GRIK1: variants seen among roughly 807,000 people sequenced by gnomAD.
GRIK1 encodes the protein glutamate receptor ionotropic, kainate 1.
GRIK1 carries 69 observed loss-of-function variants against 105.7 expected under a neutral mutation model. The observed-to-expected ratio is 0.65, with a 90% CI of 0.54 to 0.80. GRIK1 has a LOEUF of 0.80. GRIK1 is among the 30% of genes least tolerant of loss of function. GRIK1 has a pLI of 0.00. For synonymous variants in GRIK1, 438 were observed against 431.3 expected, an observed-to-expected ratio of 1.02 and a Z score of -0.19; for missense variants, 1,109 against 1,167.3, an observed-to-expected ratio of 0.95 and a Z score of 0.73.
At chr21:29,877,276 GA>G (rs981131878) in intron 1 of GRIK1, among the ~76,000 whole-genome samples, 3 of 152,084 alleles carry the variant, frequency 2.0e-5, no homozygotes, top group Non-Finnish European at 4.4e-5. Context: ...TCTTCTTTGT[GA>G]AGGACTTTTA....
chr21:29,540,970 A>ATT (rs3054285), intron 16 of GRIK1, among the ~76,000 whole-genome samples: 6,411 of 134,530 alleles, frequency 0.048, 201 homozygotes, highest in Admixed American at 0.11. Flanking sequence ...CTTGCACTTG[A>ATT]TTTTTTTTTT....
chr21:29,560,290 T>TCTTTCTTTCTTTC lies in GRIK1; in HGVS notation c.2356+1321_2356+1333dup, dbSNP rs1568812234. ...CTTATATGATACAGTTTTCTTTCTT[T>TCTTTCTTTCTTTC]CTTTCTTTCTTTCTTTCTTTCTTTC... On this transcript the variant is annotated intron_variant, in intron 15 of 17. Coordinates refer to ENST00000327783, the MANE Select transcript of GRIK1 (RefSeq NM_001330994.2). 2.2e-3 allele frequency among the ~76,000 whole-genome samples: 173 copies of TCTTTCTTTCTTTC among 77,186 alleles called. 3 individuals carry two copies. The highest frequency in any genetic ancestry group is 9.4e-3 in the African/African-American group (158 of 16,812). The allele number at this position is 77,186 out of a possible 152,430, so 50.6% of individuals were successfully genotyped here.
intron 4 of GRIK1, among the ~76,000 whole-genome samples, chr21:29,668,890 G>A (rs1374144884): frequency 6.6e-6 from 1 of 152,188 alleles, no homozygotes; most frequent in Admixed American, 6.5e-5. Context: ...AGGAGCAATG[G>A]TTTCCACATT....
chr21:29,684,768 C>T (rs2063456340), intron 3 of GRIK1, among the ~76,000 whole-genome samples: 1 of 152,140 alleles, frequency 6.6e-6, no homozygotes, highest in Non-Finnish European at 1.5e-5. Flanking sequence ...CCTTGGCCTT[C>T]CAAAGTGCTG....
At chr21:29,903,901 C>T (rs8126480) in intron 1 of GRIK1, among the ~76,000 whole-genome samples, 33,635 of 152,050 alleles carry the variant, frequency 0.22, 4,243 homozygotes, top group African/African-American at 0.34. Flanking sequence ...TAAACTGGAT[C>T]AAGAAAATGT....
chr21:29,848,797 G>T (rs1378613368), intron 1 of GRIK1, among the ~76,000 whole-genome samples: 2 of 56,658 alleles, frequency 3.5e-5, no homozygotes, highest in Non-Finnish European at 6.8e-5. Context: ...TTTTTTCCAC[G>T]ATCTTCACCT....
intron 1 of GRIK1, among the ~76,000 whole-genome samples, chr21:29,697,238 C>G (rs2063721688): frequency 6.6e-6 from 1 of 152,132 alleles, no homozygotes; most frequent in Non-Finnish European, 1.5e-5. Context: ...TCAAAGTGCC[C>G]TGAAAACTCA....
chr21:29,793,326 C>A (rs2066475678), intron 1 of GRIK1, among the ~76,000 whole-genome samples: 1 of 152,150 alleles, frequency 6.6e-6, no homozygotes, highest in Admixed American at 6.6e-5. Flanking sequence ...GTGCATTAAT[C>A]TCTCACAGTA....
At chr21:29,675,760 T>C (rs912037450) in intron 3 of GRIK1, among the ~76,000 whole-genome samples, 1 of 152,114 alleles carries the variant, frequency 6.6e-6, no homozygotes, top group African/African-American at 2.4e-5. Flanking sequence ...GATTATGAGC[T>C]AAGACTGCTG....
At chr21:29,838,003 C>T (rs940957654) in intron 1 of GRIK1, among the ~76,000 whole-genome samples, 8 of 152,096 alleles carry the variant, frequency 5.3e-5, no homozygotes, top group Admixed American at 5.2e-4. Context: ...CACTAAGAAT[C>T]TGAAGAGGAA....
chr21:29,687,148 G>A (rs1335268714), intron 3 of GRIK1, among the ~76,000 whole-genome samples: 1 of 152,134 alleles, frequency 6.6e-6, no homozygotes, highest in Non-Finnish European at 1.5e-5. Flanking sequence ...CCTTAGAGAC[G>A]TGCACACTGC....
chr21:29,541,077 C>T (rs1481166726), intron 16 of GRIK1, among the ~76,000 whole-genome samples: 1 of 151,724 alleles, frequency 6.6e-6, no homozygotes, highest in East Asian at 1.9e-4. Context: ...AAGCGATTCT[C>T]CTGCCTCAGC....
Position 29,558,071 on chromosome 21 carries a change from C to T in GRIK1, c.2357-2769G>A, listed in dbSNP as rs1434912404. Among the ~76,000 whole-genome samples, 5 of 152,204 alleles carry T rather than the reference C, an allele frequency of 3.3e-5. No homozygotes were observed. The South Asian group carries it at 1.0e-3, about 32-fold the overall frequency. ...TGGTAAGCTGTTCAAACCTTAAATG[C>T]TCTTATTCTCTCAGAGTTTTACTTT... On this transcript the variant is annotated intron_variant, in intron 15 of 17. Transcript: ENST00000327783.
chr21:29,671,075 CTG>C (rs925997780), intron 4 of GRIK1, among the ~76,000 whole-genome samples: 12 of 152,222 alleles, frequency 7.9e-5, no homozygotes, highest in African/African-American at 2.9e-4. Flanking sequence ...ATGGTGATGT[CTG>C]TGATTGCTTT....
chr21:29,811,595 T>C (rs982885237), intron 1 of GRIK1, among the ~76,000 whole-genome samples: 1 of 152,168 alleles, frequency 6.6e-6, no homozygotes, highest in African/African-American at 2.4e-5. Context: ...TCTCTCCTTC[T>C]TTAGGACACA....
intron 4 of GRIK1, among the ~76,000 whole-genome samples, chr21:29,669,933 G>A (rs2063132315): frequency 6.6e-6 from 1 of 152,078 alleles, no homozygotes; most frequent in African/African-American, 2.4e-5. Flanking sequence ...AAGTTAAGCT[G>A]GATCACATAG....
chr21:29,794,810 G>T (rs2066512684), intron 1 of GRIK1, among the ~76,000 whole-genome samples: 1 of 152,100 alleles, frequency 6.6e-6, no homozygotes, highest in Admixed American at 6.5e-5. Flanking sequence ...AATTCCAACT[G>T]GGATTTTGTC....
At chr21:29,922,143 A>G (rs759481218) in intron 1 of GRIK1, among the ~76,000 whole-genome samples, 1 of 152,120 alleles carries the variant, frequency 6.6e-6, no homozygotes, top group Non-Finnish European at 1.5e-5. Context: ...TTCTGTTCAT[A>G]AACTCTGACT....
At chr21:29,693,688 C>T (rs951607172) in intron 2 of GRIK1, among the ~76,000 whole-genome samples, 7 of 152,144 alleles carry the variant, frequency 4.6e-5, no homozygotes, top group African/African-American at 1.7e-4. Flanking sequence ...GAAGGGTAAG[C>T]TCATCAGAAA....
Sources: allele counts gnomAD v4.1 joint callset (sites outside exome capture counted in the v4.1 genomes callset), GRCh38; gene constraint gnomAD v4.1.1; transcripts MANE v1.5; gene names NCBI Gene and HGNC (gene_info 2026-07-23, HGNC 2026-07-21).